Variants in COL6A3 observed in about 807,000 individuals in gnomAD.
COL6A3 encodes collagen type VI alpha 3 chain, also known as collagen alpha-3(VI) chain.
COL6A3 carries 137 observed loss-of-function variants against 274.1 expected under a neutral mutation model. The ratio of observed to expected loss-of-function variants is 0.50; its 90% CI spans 0.44 to 0.58. The LOEUF (loss-of-function observed/expected upper bound fraction) is 0.58. Ranked by LOEUF, COL6A3 falls within the 20% of genes least tolerant of loss-of-function variation. COL6A3 has a pLI of 0.00. For synonymous variants in COL6A3, 1,650 were observed against 1,650.6 expected, an observed-to-expected ratio of 1.00 and a Z score of 0.01; for missense variants, 3,950 against 4,124.9, an observed-to-expected ratio of 0.96 and a Z score of 1.16.
rs760532694 is a variant in COL6A3, at chr2:237,365,852, G to A, written c.5684C>T (p.Ser1895Leu). 22 of 1,614,088 alleles carry A rather than the reference G, an allele frequency of 1.4e-5. No individual in the cohort carries two copies. Among genetic ancestry groups the A allele is most frequent in the South Asian group, 5.5e-5 (5 of 91,082 alleles). Reference protein sequence around the residue: ...VRVSVVANTPSGPVEAFDFDE... With the variant: ...VRVSVVANTPLGPVEAFDFDE... ...AAAGTCAAAGGCCTCCACCGGGCCC[G>A]AGGGCGTGTTGGCCACCACTGACAC... The change falls in exon 12 of 44, where the codon TCG becomes TTG. Residue 1895 changes from serine (S) to leucine (L), a missense_variant. By Grantham distance (145) the Ser-to-Leu change is moderately radical. Around this residue, in one of 5 missense-constraint regions of COL6A3, gnomAD observed 632 missense variants for 623.4 expected, o/e 1.01. Coordinates refer to ENST00000295550, the MANE Select transcript of COL6A3 (RefSeq NM_004369.4).
rs1387253763 is a variant in COL6A3 at position 237,389,502 on chromosome 2, C to T, written c.710-1318G>A. Among the ~76,000 whole-genome samples, 4 of 152,260 alleles carry T rather than the reference C, an allele frequency of 2.6e-5. No individual in the cohort carries two copies. The East Asian group carries it at 5.8e-4, about 22-fold the overall frequency. On this transcript the variant is annotated intron_variant, in intron 3 of 43. Coordinates refer to ENST00000295550, the MANE Select transcript of COL6A3 (RefSeq NM_004369.4). ...CTCTGATCTTTTCAATGACAGTGAA[C>T]ATTTTATATTTAAAATTAATGTTTC...
rs755266507 is a variant in COL6A3, at chr2:237,363,244, A to AC, written c.6063+8_6063+9insG. ...CTGGTCTGTGTATAAAGACATAAAA[A>AC]AAACTCACAAGCTGCTCCGCTAGTT... On this transcript the variant is annotated intron_variant, in intron 14 of 43. Transcript: ENST00000295550. The AC allele has an allele frequency of 6.2e-7, 1 of 1,613,976 alleles. No individual in the cohort carries two copies. Among genetic ancestry groups the AC allele is most frequent in the South Asian group, 1.1e-5 (1 of 91,074 alleles).
chr2:237,379,222 T>C lies in COL6A3; in HGVS notation c.1911A>G (p.Lys637=), dbSNP rs1453895065. 6.2e-7 allele frequency: 1 copy of C among 1,614,176 alleles called. No individual in the cohort carries two copies. Among genetic ancestry groups the C allele is most frequent in the Non-Finnish European group, 8.5e-7 (1 of 1,180,020 alleles). ...CATCCAAAAGAAAGATGATATCCCT[T>C]TTGTTTGAGTGAACTGCAGTGAAGC... ...LSGTPEVHSN[K]RDIIFLLDGS... is the part of the protein sequence containing the mutation. Residue 637 remains lysine (K), a synonymous_variant, in exon 6 of 44, where the codon AAA becomes AAG. Coordinates refer to ENST00000295550, the MANE Select transcript of COL6A3 (RefSeq NM_004369.4).
Position 237,378,929 on chromosome 2 carries a change from C to T in COL6A3, c.2204G>A (p.Gly735Asp). Residue 735 changes from glycine to aspartate, a missense_variant, in exon 6 of 44, where the codon GGC becomes GAC. Coordinates refer to ENST00000295550, the MANE Select transcript of COL6A3 (RefSeq NM_004369.4). ...YVYANHFTEA[G>D]GSRIREHVPQ... ...CACGTGTTCACGGATCCTGCTGCCG[C>T]CAGCTTCCGTGAAGTGGTTGGCATA... is the stretch of plus-strand genomic sequence containing the variant. 6.2e-7 allele frequency: 1 copy of T among 1,614,176 alleles called. No individual in the cohort carries two copies. The highest frequency in any genetic ancestry group is 2.2e-5 in the East Asian group (1 of 44,878).
In COL6A3 at chr2:237,364,035, C is replaced by T. The variant is rs538958350; in HGVS notation, c.5917+315G>A. Among the ~76,000 whole-genome samples, 18 of 152,284 alleles carry T rather than the reference C, an allele frequency of 1.2e-4. 1 individual carries two copies. In the South Asian group the frequency reaches 3.5e-3, roughly 30 times the overall value. The stretch of plus-strand genomic sequence containing the variant: ...ATGTATTTTTATTAGTAACTAATTC[C>T]TAGTTTATGTGATGAAGTTAAATGA... On this transcript the variant is annotated intron_variant, in intron 13 of 43. Coordinates refer to ENST00000295550, the MANE Select transcript of COL6A3 (RefSeq NM_004369.4). The surrounding 1 kb of genome is among the most constrained non-coding windows in gnomAD (Gnocchi z 4.6).
At chr2:237,336,092 T>C (rs963109518) in intron 40 of COL6A3, 43 bp downstream of exon 40, 8 of 1,611,260 alleles carry the variant, frequency 5.0e-6, no homozygotes, top group Non-Finnish European at 6.8e-6. Flanking sequence ...GAGCAGGAAA[T>C]GAGGATGTCA....
Position 237,332,309 on chromosome 2 carries a change from C to G in COL6A3, c.9328+1141G>C, listed in dbSNP as rs575665975. Among the ~76,000 whole-genome samples the G allele has an allele frequency of 9.9e-5, 15 of 151,552 alleles. 1 individual carries two copies. The South Asian group carries it at 1.9e-3, about 19-fold the overall frequency. On this transcript the variant is annotated intron_variant, in intron 42 of 43. Coordinates refer to ENST00000295550, the MANE Select transcript of COL6A3 (RefSeq NM_004369.4). Reference sequence around the variant, plus strand: ...TCTAGTTTACTCCAAGTCTTTTTCTCTCAATGAAGCACTAAATTGGCTAAA... The same window carrying G: ...TCTAGTTTACTCCAAGTCTTTTTCTGTCAATGAAGCACTAAATTGGCTAAA...
Position 237,371,972 on chromosome 2 carries a change from CA to C in COL6A3, c.4044del (p.Asp1349ThrfsTer31). The C allele has an allele frequency of 6.2e-7, 1 of 1,614,148 alleles. No individual in the cohort carries two copies. The highest frequency in any genetic ancestry group is 8.5e-7 in the Non-Finnish European group (1 of 1,180,022). ...ACCGCCGGGTCGTCCACCTCATCGT[CA>C]GACTTTCCAGACGAGATGAGGACCA... is the stretch of plus-strand genomic sequence containing the variant. ...QFLVLISSGKSDDEVDDPAVE... is the reference protein window; with the variant it reads ...QFLVLISSGKXDDEVDDPAVE... On this transcript the variant is annotated frameshift_variant, in exon 9 of 44. Coordinates refer to ENST00000295550, the MANE Select transcript of COL6A3 (RefSeq NM_004369.4). LOFTEE classifies it high-confidence loss of function. The surrounding 1 kb of genome is among the most constrained non-coding windows in gnomAD (Gnocchi z 4.3).
chr2:237,413,541 TC>T lies in COL6A3; in HGVS notation c.-31+411del, dbSNP rs113286198. Among the ~76,000 whole-genome samples, 365 of 152,164 alleles carry T rather than the reference TC, an allele frequency of 2.4e-3. 1 individual carries two copies. The highest frequency in any genetic ancestry group is 8.4e-3 in the African/African-American group (348 of 41,526). ...CCACCCAGAGAGCTCAGAGAACATC[TC>T]CCAGCGGAGCCGCCCGGCAGGGAGC... On this transcript the variant is annotated intron_variant, in intron 1 of 43. Transcript: ENST00000295550. The surrounding 1 kb of genome is among the most constrained non-coding windows in gnomAD (Gnocchi z 4.0).
At position 237,361,925 on chromosome 2, in the gene COL6A3, G is replaced by T; in HGVS notation, c.6064-94C>A. The T allele has an allele frequency of 1.9e-6, 2 of 1,070,238 alleles. No individual in the cohort carries two copies. Among genetic ancestry groups the T allele is most frequent in the Non-Finnish European group, 2.9e-6 (2 of 692,472 alleles). The allele number at this position is 1,070,238 out of a possible 1,614,324, so 66.3% of individuals were successfully genotyped here. The stretch of plus-strand genomic sequence containing the variant: ...TTTAAGGGTCAAAATCGGATGTGTG[G>T]GGGTTTCACGGTGTGAGATGAAGTC... On this transcript the variant is annotated intron_variant, in intron 14 of 43. Coordinates refer to ENST00000295550, the MANE Select transcript of COL6A3 (RefSeq NM_004369.4). This position sits in a 1 kb window ranked among gnomAD's most constrained non-coding sequence, Gnocchi z 5.1.
At chr2:237,348,273 T>A (rs938067608) in intron 30 of COL6A3, 76 bp downstream of exon 30, 4 of 1,254,684 alleles carry the variant, frequency 3.2e-6, no homozygotes, top group Non-Finnish European at 4.7e-6. Context: ...GCCAAGATAT[T>A]CTGATTCTCA....
chr2:237,347,801 A>C lies in COL6A3; in HGVS notation c.7029+6T>G. On this transcript the variant is annotated splice_donor_region_variant and intron_variant, in intron 31 of 43. Coordinates refer to ENST00000295550, the MANE Select transcript of COL6A3 (RefSeq NM_004369.4). ...TCACCTGCAGCCAAGGCCCACGCAA[A>C]CTTACCCTTCGGCCTCTGATGCCTT... is the stretch of plus-strand genomic sequence containing the variant. 1 of 1,608,928 alleles carries C rather than the reference A, an allele frequency of 6.2e-7. No homozygotes were observed. The highest frequency in any genetic ancestry group is 2.2e-5 in the East Asian group (1 of 44,834).
At chr2:237,396,876 G>T in intron 1 of COL6A3, 29 bp from the exon 2 acceptor site, 3 of 1,528,666 alleles carry the variant, frequency 2.0e-6, no homozygotes, top group South Asian at 1.1e-5. Flanking sequence ...CAAAGGGAAT[G>T]ATCAGTTTTT....
intron 1 of COL6A3, among the ~76,000 whole-genome samples, chr2:237,402,858 T>C (rs1174335924): frequency 2.0e-5 from 3 of 152,184 alleles, no homozygotes; most frequent in Non-Finnish European, 2.9e-5. Flanking sequence ...GGTGCCCCCA[T>C]GGGCTCTGCA....
chr2:237,343,949 T>C (rs1403558596), intron 36 of COL6A3: 1 of 333,170 alleles, frequency 3.0e-6, no homozygotes, highest in African/African-American at 2.1e-5. Flanking sequence ...AAATGCCCAG[T>C]ACACAGTAAG....
rs1172047660 is a variant in COL6A3 at position 237,341,082 on chromosome 2, C to A, written c.7834G>T (p.Ala2612Ser). Residue 2612 changes from alanine (A) to serine (S), a missense_variant, in exon 38 of 44, where the codon GCA becomes TCA. Coordinates refer to ENST00000295550, the MANE Select transcript of COL6A3 (RefSeq NM_004369.4). ...ATGTCGATGTCCACATCGCTCCCTGCCGCTCTCCTGTCCCTGAAGGAAGGC... is the reference window on the plus strand; with the variant it reads ...ATGTCGATGTCCACATCGCTCCCTGACGCTCTCCTGTCCCTGAAGGAAGGC... ...WRPSFRDRRA[A>S]GSDVDIDMAF... is the part of the protein sequence containing the mutation. The A allele has an allele frequency of 6.2e-7, 1 of 1,614,190 alleles. No homozygotes were observed. The highest frequency in any genetic ancestry group is 8.5e-7 in the Non-Finnish European group (1 of 1,180,034).
rs1193520253 is a variant in COL6A3, at chr2:237,326,243, GA to G, written c.9329-520del. 4.1e-5 allele frequency: 5 copies of G among 121,920 alleles called. No individual in the cohort carries two copies. In the East Asian group the frequency reaches 1.2e-3, roughly 28 times the overall value. 7.6% of individuals were successfully genotyped at this position (121,920 alleles called of 1,614,324 possible). A position where few individuals can be genotyped will look rare whatever the true frequency, so the allele number is the denominator to read the frequency against. ...TAAAGCAGAAAAGAAAATCCTTTATGAGTGTGTGTGTGTGTGTGTGTGTGTG... is the reference window on the plus strand; with the variant it reads ...TAAAGCAGAAAAGAAAATCCTTTATGGTGTGTGTGTGTGTGTGTGTGTGTG... On this transcript the variant is annotated intron_variant, in intron 42 of 43. Coordinates refer to ENST00000295550, the MANE Select transcript of COL6A3 (RefSeq NM_004369.4).
At position 237,345,069 on chromosome 2, in the gene COL6A3, T is replaced by C; in HGVS notation, c.7151A>G (p.Lys2384Arg). ...IDQCALIQSI[K>R]DKCPCCYGPL... ...AATCATGTACTTACGGCATTTATCTTTGATGCTTTGGATGAGGGCACATTG... is the reference window on the plus strand; with the variant it reads ...AATCATGTACTTACGGCATTTATCTCTGATGCTTTGGATGAGGGCACATTG... The change falls in exon 34 of 44, where the codon AAA becomes AGA. Residue 2384 changes from lysine (K) to arginine (R), a missense_variant. Physicochemically the swap from Lys to Arg is conservative, Grantham distance 26 (BLOSUM62 2). This residue lies in a region of COL6A3 where 1,284 missense variants were observed against 1,349.7 expected (regional missense o/e 0.95). Transcript: ENST00000295550. The C allele has an allele frequency of 6.2e-7, 1 of 1,614,196 alleles. No homozygotes were observed. The highest frequency in any genetic ancestry group is 1.3e-5 in the African/African-American group (1 of 75,048).
intron 1 of COL6A3, among the ~76,000 whole-genome samples, chr2:237,411,715 A>G (rs968249334): frequency 6.6e-6 from 1 of 152,240 alleles, no homozygotes; most frequent in Non-Finnish European, 1.5e-5. Context: ...TGCTTTAGAA[A>G]TAAAATGAAG....
Sources: gnomAD v4.1 joint callset for allele counts (sites outside exome capture counted in the v4.1 genomes callset) on GRCh38, gnomAD v4.1.1 for gene constraint, gnomAD v4.1.1 regional missense constraint, Gnocchi (gnomAD v3.1) non-coding constraint, MANE v1.5 for transcripts, NCBI Gene and HGNC (gene_info 2026-07-23, HGNC 2026-07-21) for gene names.